The following SP4 variants were observed in gnomAD, a reference collection of about 807,000 sequenced individuals.
SP4 encodes the protein transcription factor Sp4.
SP4 carries 19 observed loss-of-function variants against 72.8 expected under a neutral mutation model. That is an observed-to-expected ratio of 0.26 (90% CI 0.18 to 0.38). The LOEUF (loss-of-function observed/expected upper bound fraction) is 0.38, where lower values mean the gene tolerates loss of function less well. Among genes scored for constraint, SP4 ranks in the 10% least tolerant of loss-of-function variants. The probability of loss-of-function intolerance (pLI) is 1.00; values close to 1 mark genes in which losing one functional copy is unlikely to be tolerated. For missense variants in SP4, 1,008 were observed against 926.3 expected (o/e 1.09, Z -1.14); for synonymous variants, 395 against 333.1 (o/e 1.19, Z -2.02).
chr7:21,452,176 C>G (rs559955676), intron 3 of SP4, among the ~76,000 whole-genome samples: 11 of 152,268 alleles, frequency 7.2e-5, no homozygotes, highest in African/African-American at 2.2e-4. Context: ...CTTCAGTTCT[C>G]ATTTTTATTA....
chr7:21,485,083 G>T (rs1226151677), intron 5 of SP4, among the ~76,000 whole-genome samples: 5 of 151,722 alleles, frequency 3.3e-5, no homozygotes, highest in African/African-American at 9.7e-5. Flanking sequence ...ACTTAAAATT[G>T]TTACTTTTAA....
At chr7:21,499,086 A>G (rs1383591827) in intron 5 of SP4, among the ~76,000 whole-genome samples, 1 of 151,882 alleles carries the variant, frequency 6.6e-6, no homozygotes, top group Non-Finnish European at 1.5e-5. Flanking sequence ...TCTCAAAAAA[A>G]AAAAAAAAAA....
chr7:21,477,369 G>GTAA, intron 4 of SP4, 62 bp downstream of exon 4: 1 of 1,021,092 alleles, frequency 9.8e-7, no homozygotes, highest in African/African-American at 1.6e-5. Context: ...TTAAAACCAA[G>GTAA]TAATTGGCTG....
chr7:21,443,273 T>G (rs769974936), intron 3 of SP4, among the ~76,000 whole-genome samples: 8 of 152,178 alleles, frequency 5.3e-5, no homozygotes, highest in African/African-American at 9.7e-5. Context: ...GAGAATGGGA[T>G]GGACAGATCC....
chr7:21,471,265 A>G, intron 3 of SP4: 1 of 363,772 alleles, frequency 2.7e-6, no homozygotes, highest in South Asian at 2.2e-5. Context: ...TTGGGGAGCT[A>G]GGTCTGCAAT....
Position 21,429,571 on chromosome 7 carries a change from T to C in SP4, c.406T>C (p.Ser136Pro). The change falls in exon 3 of 6, where the codon TCT becomes CCT. Residue 136 changes from serine (S) to proline (P), a missense_variant. Ser to Pro is a moderately conservative substitution (Grantham distance 74). Around this residue, in one of 3 missense-constraint regions of SP4, gnomAD observed 893 missense variants for 743.3 expected, o/e 1.20. Transcript: ENST00000222584. ...SSSSSNNGSA[S>P]PTKTKSGNSS... Reference sequence around the variant, plus strand: ...TTCCAGCAGTAATAACGGGAGTGCATCTCCTACAAAAACTAAATCAGGTAA... The same window carrying C: ...TTCCAGCAGTAATAACGGGAGTGCACCTCCTACAAAAACTAAATCAGGTAA... 6.2e-7 allele frequency: 1 copy of C among 1,614,082 alleles called. No homozygotes were observed. The highest frequency in any genetic ancestry group is 8.5e-7 in the Non-Finnish European group (1 of 1,179,998).
intron 5 of SP4, among the ~76,000 whole-genome samples, chr7:21,485,587 C>G (rs1784792959): frequency 6.6e-6 from 1 of 151,938 alleles, no homozygotes; most frequent in Non-Finnish European, 1.5e-5. Context: ...TGAGTTCTTG[C>G]ATTTAGAATT....
chr7:21,455,764 C>T (rs1243933485), intron 3 of SP4, among the ~76,000 whole-genome samples: 3 of 152,160 alleles, frequency 2.0e-5, no homozygotes, highest in Admixed American at 1.3e-4. Flanking sequence ...TCTTATGGGT[C>T]TCTTTTGTCT....
At chr7:21,493,200 A>AG (rs1050135258) in intron 5 of SP4, among the ~76,000 whole-genome samples, 2 of 9,056 alleles carry the variant, frequency 2.2e-4, no homozygotes, top group African/African-American at 4.9e-3. Context: ...ATTCCATGTG[A>AG]AAAAAAAAAA....
intron 5 of SP4, among the ~76,000 whole-genome samples, chr7:21,503,872 C>A (rs181026085): frequency 6.6e-6 from 1 of 152,150 alleles, no homozygotes; most frequent in African/African-American, 2.4e-5. Context: ...CCCTATACAC[C>A]CATAATTCCT....
At chr7:21,476,320 A>C (rs1005644199) in intron 3 of SP4, among the ~76,000 whole-genome samples, 1 of 149,908 alleles carries the variant, frequency 6.7e-6, no homozygotes. Flanking sequence ...GGATAATGTT[A>C]AGCCATGCCA....
chr7:21,500,039 G>A (rs1289665761), intron 5 of SP4, among the ~76,000 whole-genome samples: 4 of 152,090 alleles, frequency 2.6e-5, no homozygotes, highest in Non-Finnish European at 5.9e-5. Flanking sequence ...GTAAGTAGTC[G>A]AATGTAGTTT....
intron 4 of SP4, among the ~76,000 whole-genome samples, chr7:21,479,762 A>G (rs1784623289): frequency 1.3e-5 from 2 of 152,230 alleles, no homozygotes; most frequent in South Asian, 4.1e-4. Context: ...GTCTATGCAC[A>G]TGGGAAGTAT....
chr7:21,434,419 TA>T (rs371367461), intron 3 of SP4, among the ~76,000 whole-genome samples: 136 of 152,300 alleles, frequency 8.9e-4, no homozygotes, highest in African/African-American at 3.2e-3. Context: ...AGCAACAACC[TA>T]GGGGGATCCT....
At chr7:21,485,509 G>C (rs1784790571) in intron 5 of SP4, among the ~76,000 whole-genome samples, 1 of 151,878 alleles carries the variant, frequency 6.6e-6, no homozygotes, top group East Asian at 1.9e-4. Flanking sequence ...TAGGATGACT[G>C]TCATGTATCT....
chr7:21,478,583 CT>C (rs1446218391), intron 4 of SP4, among the ~76,000 whole-genome samples: 2 of 152,184 alleles, frequency 1.3e-5, no homozygotes, highest in Non-Finnish European at 2.9e-5. Flanking sequence ...TCATATGTCA[CT>C]GCAGTTTTGT....
chr7:21,446,073 G>T (rs1187822270), intron 3 of SP4, among the ~76,000 whole-genome samples: 1 of 149,444 alleles, frequency 6.7e-6, no homozygotes, highest in South Asian at 2.1e-4. Context: ...TGTGTGTGTG[G>T]TGTGTGCATA....
intron 3 of SP4, among the ~76,000 whole-genome samples, chr7:21,459,734 T>A (rs2128401506): frequency 6.6e-6 from 1 of 152,358 alleles, no homozygotes; most frequent in East Asian, 1.9e-4. Flanking sequence ...TCCTGTTTTA[T>A]CCATTTAATT....
At chr7:21,481,204 A>G (rs532273729) in intron 4 of SP4, among the ~76,000 whole-genome samples, 96 of 152,316 alleles carry the variant, frequency 6.3e-4, no homozygotes, top group South Asian at 2.7e-3. Context: ...GAACTTAGCA[A>G]CAGGCAACCA....
Sources: gnomAD v4.1 joint callset for allele counts (sites outside exome capture counted in the v4.1 genomes callset) on GRCh38, gnomAD v4.1.1 for gene constraint, gnomAD v4.1.1 regional missense constraint, MANE v1.5 for transcripts, NCBI Gene and HGNC (gene_info 2026-07-23, HGNC 2026-07-21) for gene names.